The following RFX3 variants were observed in gnomAD, a reference collection of about 807,000 sequenced individuals.
The protein encoded by RFX3 is regulatory factor X3, also known as transcription factor RFX3.
In RFX3, 14 loss-of-function variants were observed where a neutral mutation model predicts 98.6. That is an observed-to-expected ratio of 0.14 (90% CI 0.09 to 0.22). The LOEUF (loss-of-function observed/expected upper bound fraction) is 0.22, where lower values mean the gene tolerates loss of function less well. Among genes scored for constraint, RFX3 ranks in the 10% least tolerant of loss-of-function variants. The pLI is 1.00. For missense variants in RFX3, 639 were observed against 926.9 expected (o/e 0.69, Z 4.03); for synonymous variants, 383 against 328.4 (o/e 1.17, Z -1.80).
chr9:3,418,622 C>T (rs373260766), intron 1 of RFX3, among the ~76,000 whole-genome samples: 1 of 152,110 alleles, frequency 6.6e-6, no homozygotes, highest in African/African-American at 2.4e-5. Flanking sequence ...TCAGGCGATC[C>T]GTCTGCCTTG....
chr9:3,396,581 G>A (rs1215474063), intron 1 of RFX3, among the ~76,000 whole-genome samples: 1 of 152,042 alleles, frequency 6.6e-6, no homozygotes, highest in South Asian at 2.1e-4. Context: ...GGGTCAAATG[G>A]TATTTCTAGT....
At chr9:3,410,210 G>GTGTGTGT (rs1842346511) in intron 1 of RFX3, among the ~76,000 whole-genome samples, 3 of 24,792 alleles carry the variant, frequency 1.2e-4, no homozygotes, top group Admixed American at 4.5e-4. Context: ...TGTGTGTGTG[G>GTGTGTGT]CGCTATCAAC....
intron 13 of RFX3, 92 bp from the exon 14 acceptor site, chr9:3,257,291 T>C (rs1316300252): frequency 2.9e-6 from 3 of 1,017,420 alleles, no homozygotes; most frequent in South Asian, 1.5e-5. Context: ...GAACAGAAAA[T>C]TATAATAAAA....
At chr9:3,269,553 T>C (rs978938780) in intron 11 of RFX3, among the ~76,000 whole-genome samples, 1 of 152,156 alleles carries the variant, frequency 6.6e-6, no homozygotes, top group African/African-American at 2.4e-5. Flanking sequence ...GATATAGGCA[T>C]AAAATAGTTT....
intron 1 of RFX3, among the ~76,000 whole-genome samples, chr9:3,437,200 G>T (rs1290209225): frequency 6.6e-6 from 1 of 152,060 alleles, no homozygotes; most frequent in Non-Finnish European, 1.5e-5. Flanking sequence ...CCTGCTTGCA[G>T]AATTAAGCCA....
At chr9:3,271,357 A>T (rs1824410173) in intron 9 of RFX3, among the ~76,000 whole-genome samples, 1 of 151,278 alleles carries the variant, frequency 6.6e-6, no homozygotes, top group Admixed American at 6.6e-5. Flanking sequence ...CATTCTTTTC[A>T]TAATGTATTC....
chr9:3,284,317 A>T (rs1035120232), intron 7 of RFX3, among the ~76,000 whole-genome samples: 2 of 151,730 alleles, frequency 1.3e-5, no homozygotes, highest in Admixed American at 1.3e-4. Context: ...GAAGAGGTGG[A>T]AATTACTGAT....
At chr9:3,331,539 G>C (rs983412660) in intron 3 of RFX3, among the ~76,000 whole-genome samples, 1 of 152,160 alleles carries the variant, frequency 6.6e-6, no homozygotes, top group South Asian at 2.1e-4. Context: ...CCATTCCTGA[G>C]AGTTTGGTGT....
chr9:3,522,500 T>G lies in RFX3; in HGVS notation c.-9+3247A>C, dbSNP rs185338590. ...CTCATTTCTTGTAACACATTCTCAC[T>G]ATGGATACTAAGAACAAAGTAATAT... On this transcript the variant is annotated intron_variant, in intron 1 of 16. Coordinates refer to ENST00000617270, the MANE Select transcript of RFX3 (RefSeq NM_001282116.2). 1.2e-3 allele frequency among the ~76,000 whole-genome samples: 189 copies of G among 152,242 alleles called. 1 individual carries two copies. Among genetic ancestry groups the G allele is most frequent in the African/African-American group, 4.4e-3 (183 of 41,542 alleles).
At chr9:3,274,972 A>C (rs904680360) in intron 9 of RFX3, among the ~76,000 whole-genome samples, 1 of 152,226 alleles carries the variant, frequency 6.6e-6, no homozygotes, top group African/African-American at 2.4e-5. Flanking sequence ...ATATGTATAC[A>C]TAATTTTTTG....
intron 4 of RFX3, among the ~76,000 whole-genome samples, chr9:3,326,444 A>G (rs988603238): frequency 6.6e-6 from 1 of 152,038 alleles, no homozygotes; most frequent in African/African-American, 2.4e-5. Flanking sequence ...CTAGGTATTA[A>G]GCCTATTATT....
In RFX3 at chr9:3,277,453, G is replaced by C; in HGVS notation, c.860C>G (p.Pro287Arg). 6.2e-7 allele frequency: 1 copy of C among 1,611,026 alleles called. No individual in the cohort carries two copies. The highest frequency in any genetic ancestry group is 1.7e-4 in the Middle Eastern group (1 of 6,054). ...TGCAACCCCATCCACTTTCTGCATA[G>C]GCTTGTACCTAAAAATATTAGATGG... ...QPMQQKQRYK[P>R]MQKVDGVADG... The change falls in exon 8 of 17, where the codon CCT (proline) becomes CGT (arginine). Residue 287 changes from proline to arginine, a missense_variant. By Grantham distance (103) the Pro-to-Arg change is moderately radical (BLOSUM62 -2). This residue lies in a region of RFX3 where 86 missense variants were observed against 113.2 expected (regional missense o/e 0.76). Transcript: ENST00000617270.
At chr9:3,284,002 G>A (rs1826256918) in intron 7 of RFX3, among the ~76,000 whole-genome samples, 1 of 151,750 alleles carries the variant, frequency 6.6e-6, no homozygotes, top group South Asian at 2.1e-4. Context: ...AACAGGATAA[G>A]TTGGACTAGG....
At chr9:3,299,398 G>A (rs1181491994) in intron 5 of RFX3, among the ~76,000 whole-genome samples, 1 of 151,702 alleles carries the variant, frequency 6.6e-6, no homozygotes, top group Admixed American at 6.6e-5. Flanking sequence ...TGATCAGTCA[G>A]TAGAAGCACT....
intron 1 of RFX3, among the ~76,000 whole-genome samples, chr9:3,461,201 A>G: frequency 6.6e-6 from 1 of 151,992 alleles, no homozygotes; most frequent in Non-Finnish European, 1.5e-5. Context: ...AATATATGAG[A>G]GCAACAAACT....
chr9:3,291,533 T>A lies in RFX3; in HGVS notation c.731+1544A>T, dbSNP rs76684748. 3.3e-5 allele frequency among the ~76,000 whole-genome samples: 5 copies of A among 152,312 alleles called. No homozygotes were observed. The East Asian group carries it at 9.6e-4, about 29-fold the overall frequency. Reference sequence around the variant, plus strand: ...CTGTCCAATCATGTTTCTCCAGAACTATCCACTTCATCAGACTGCATAAAA... The same window carrying A: ...CTGTCCAATCATGTTTCTCCAGAACAATCCACTTCATCAGACTGCATAAAA... On this transcript the variant is annotated intron_variant, in intron 6 of 16. Coordinates refer to ENST00000617270, the MANE Select transcript of RFX3 (RefSeq NM_001282116.2).
At chr9:3,461,426 C>T (rs1374435538) in intron 1 of RFX3, among the ~76,000 whole-genome samples, 1 of 151,932 alleles carries the variant, frequency 6.6e-6, no homozygotes, top group East Asian at 1.9e-4. Context: ...TGTAAAAAGT[C>T]ATCCAACGAG....
intron 7 of RFX3, among the ~76,000 whole-genome samples, chr9:3,280,292 T>A (rs3012684): frequency 0.015 from 2,310 of 151,926 alleles, 53 homozygotes; most frequent in African/African-American, 0.052. Flanking sequence ...ATACAGCTCA[T>A]GTACAAGAGG....
At chr9:3,380,833 A>C (rs1003657198) in intron 2 of RFX3, among the ~76,000 whole-genome samples, 4 of 152,212 alleles carry the variant, frequency 2.6e-5, no homozygotes, top group African/African-American at 9.6e-5. Context: ...CTAATTAATT[A>C]GCATTCTTAG....
Sources: gnomAD v4.1 joint callset for allele counts (sites outside exome capture counted in the v4.1 genomes callset) on GRCh38, gnomAD v4.1.1 for gene constraint, gnomAD v4.1.1 regional missense constraint, MANE v1.5 for transcripts, NCBI Gene and HGNC (gene_info 2026-07-23, HGNC 2026-07-21) for gene names.